UNC13B: variants seen among roughly 807,000 people sequenced by gnomAD.
UNC13B encodes the protein protein unc-13 homolog B.
Under a neutral mutation model 211.0 loss-of-function variants are expected in UNC13B, and 144 were observed. The observed-to-expected ratio is 0.68, with a 90% CI of 0.60 to 0.78. The LOEUF is 0.78. Among genes scored for constraint, UNC13B ranks in the 30% least tolerant of loss-of-function variants. The pLI, the probability that UNC13B is intolerant of heterozygous loss-of-function variation, is 0.00. For synonymous variants in UNC13B, 709 were observed against 725.8 expected (o/e 0.98, Z 0.37); for missense variants, 1,777 against 2,002.0 (o/e 0.89, Z 2.14).
At chr9:35,384,721 G>T (rs907752582) in intron 22 of UNC13B, 39 of 985,318 alleles carry the variant, frequency 4.0e-5, no homozygotes, top group Non-Finnish European at 1.8e-5. Context: ...CTGGCTAGGG[G>T]ACAGAGAGTA....
At chr9:35,327,757 A>G (rs913672160) in intron 11 of UNC13B, among the ~76,000 whole-genome samples, 3 of 152,130 alleles carry the variant, frequency 2.0e-5, no homozygotes, top group Non-Finnish European at 1.5e-5. Flanking sequence ...ATTAACCATT[A>G]CCGTCAATGA....
intron 8 of UNC13B, among the ~76,000 whole-genome samples, chr9:35,297,090 C>G (rs1489934598): frequency 1.6e-5 from 2 of 128,170 alleles, no homozygotes; most frequent in Non-Finnish European, 3.3e-5. Context: ...TTTTAAGAAG[C>G]TTTTTTTTTT....
rs554549775 is a variant in UNC13B, at chr9:35,176,607, G to C, written c.22+14302G>C. Among the ~76,000 whole-genome samples the C allele has an allele frequency of 9.1e-4, 138 of 152,258 alleles. 2 individuals are homozygous for C. Among genetic ancestry groups the C allele is most frequent in the Admixed American group, 7.5e-3 (115 of 15,288 alleles). ...CCCACAACTGTTGTGCTAGGCACTT[G>C]GGGAGGAATGGTGAGGAAAAAACCC... On this transcript the variant is annotated intron_variant, in intron 1 of 39. Transcript: ENST00000635942.
rs746725281 is a variant in UNC13B, at chr9:35,381,735, G to A, written c.10655+16G>A. The A allele has an allele frequency of 2.5e-5, 40 of 1,610,484 alleles. No individual in the cohort carries two copies. The highest frequency in any genetic ancestry group is 1.5e-4 in the Admixed American group (9 of 59,904). On this transcript the variant is annotated intron_variant, in intron 20 of 39. Coordinates refer to ENST00000635942, the MANE Select transcript of UNC13B (RefSeq NM_001371189.2). ...AGGCCATGACGTGAGTCTCTGCTGC[G>A]GCACCGGGAAGTGGCTACTAATCAC...
intron 11 of UNC13B, among the ~76,000 whole-genome samples, chr9:35,325,578 A>G (rs952385637): frequency 6.6e-6 from 1 of 152,230 alleles, no homozygotes; most frequent in Non-Finnish European, 1.5e-5. Flanking sequence ...AAATATTTTT[A>G]AATTCAGATA....
chr9:35,304,563 A>G lies in UNC13B; in HGVS notation c.5159A>G (p.Gln1720Arg), dbSNP rs1829838612. Residue 1720 changes from glutamine (Q) to arginine (R), a missense_variant, in exon 9 of 40, where the codon CAG becomes CGG. Physicochemically the swap from Gln to Arg is conservative, Grantham distance 43. Coordinates refer to ENST00000635942, the MANE Select transcript of UNC13B (RefSeq NM_001371189.2). ...CACCTTTCCAGTTTCCATTGGCTTC[A>G]GTCTTCTGTTGAAGAAGTTACCACT... ...SVHLSSFHWLQSSVEEVTTLV... is the reference protein window; with the variant it reads ...SVHLSSFHWLRSSVEEVTTLV... 1 of 398,748 alleles carries G rather than the reference A, an allele frequency of 2.5e-6. No homozygotes were observed. The highest frequency in any genetic ancestry group is 3.6e-5 in the East Asian group (1 of 28,058). 24.7% of individuals were successfully genotyped at this position (398,748 alleles called of 1,614,324 possible). A position where few individuals can be genotyped will look rare whatever the true frequency, so the allele number is the denominator to read the frequency against.
At chr9:35,264,566 A>G (rs1827462015) in intron 7 of UNC13B, among the ~76,000 whole-genome samples, 1 of 152,224 alleles carries the variant, frequency 6.6e-6, no homozygotes, top group Non-Finnish European at 1.5e-5. Flanking sequence ...CTTAGGTTCT[A>G]GAAGACTGGA....
chr9:35,381,469 C>T (rs1834831555), intron 19 of UNC13B, 87 bp from the exon 20 acceptor site: 5 of 1,451,132 alleles, frequency 3.4e-6, no homozygotes, highest in Admixed American at 2.3e-5. Flanking sequence ...GGACCTTGTG[C>T]ACATTCTTCT....
chr9:35,352,801 T>G, intron 11 of UNC13B: 2 of 1,232,188 alleles, frequency 1.6e-6, no homozygotes, highest in Non-Finnish European at 2.0e-6. Context: ...CCCATCAGTT[T>G]GAGGAACCTG....
chr9:35,194,057 G>A (rs1282467538), intron 1 of UNC13B, among the ~76,000 whole-genome samples: 2 of 151,932 alleles, frequency 1.3e-5, no homozygotes, highest in East Asian at 3.9e-4. Flanking sequence ...AGAGTGACCT[G>A]GAAGTTCCGT....
intron 1 of UNC13B, among the ~76,000 whole-genome samples, chr9:35,204,013 C>G (rs1055947435): frequency 6.6e-6 from 1 of 152,232 alleles, no homozygotes; most frequent in Admixed American, 6.5e-5. Flanking sequence ...TTGGCTAGGC[C>G]CAGGGCCTTG....
At chr9:35,222,673 C>T (rs1162503303) in intron 1 of UNC13B, among the ~76,000 whole-genome samples, 4 of 152,108 alleles carry the variant, frequency 2.6e-5, no homozygotes, top group African/African-American at 7.2e-5. Flanking sequence ...TTTAGGATAT[C>T]CATCACCTAA....
intron 11 of UNC13B, among the ~76,000 whole-genome samples, chr9:35,365,768 A>G (rs1833732300): frequency 6.6e-6 from 1 of 151,972 alleles, no homozygotes; most frequent in African/African-American, 2.4e-5. Flanking sequence ...ATATCATCCT[A>G]CCTATAGAAA....
intron 1 of UNC13B, among the ~76,000 whole-genome samples, chr9:35,225,450 C>T (rs931459989): frequency 5.9e-5 from 9 of 152,134 alleles, no homozygotes; most frequent in Middle Eastern, 3.2e-3. Context: ...CCACCATGCC[C>T]GGCTGAATGT....
intron 1 of UNC13B, among the ~76,000 whole-genome samples, chr9:35,215,087 T>C (rs1188807380): frequency 1.3e-5 from 2 of 152,216 alleles, no homozygotes; most frequent in East Asian, 3.9e-4. Flanking sequence ...GACTATTGAG[T>C]AGAACAGTTG....
intron 1 of UNC13B, among the ~76,000 whole-genome samples, chr9:35,208,818 A>G (rs1564069037): frequency 6.6e-6 from 1 of 152,198 alleles, no homozygotes; most frequent in Non-Finnish European, 1.5e-5. Context: ...GGGTGGGGAC[A>G]CAAATCGAAA....
rs148562570 is a variant in UNC13B, at chr9:35,328,913, G to T, written c.9414+14924G>T. Among the ~76,000 whole-genome samples the T allele has an allele frequency of 7.2e-4, 109 of 151,426 alleles. 1 individual carries two copies. In the South Asian group the frequency reaches 0.018, roughly 25 times the overall value. ...CTCCCGAGTAGCTGGGACTACAGGC[G>T]CCTGCCACCATGCCTGGCTAATTTT... On this transcript the variant is annotated intron_variant, in intron 11 of 39. Transcript: ENST00000635942.
intron 11 of UNC13B, among the ~76,000 whole-genome samples, chr9:35,350,321 C>A (rs1489482130): frequency 6.6e-6 from 1 of 152,178 alleles, no homozygotes; most frequent in Non-Finnish European, 1.5e-5. Flanking sequence ...CACCCTGGAG[C>A]CCTCTGTGAG....
intron 7 of UNC13B, among the ~76,000 whole-genome samples, chr9:35,272,861 A>G (rs1342010954): frequency 1.3e-5 from 2 of 152,142 alleles, no homozygotes; most frequent in African/African-American, 2.4e-5. Context: ...GCCTCCCTTA[A>G]CTACTTACCG....
Sources: allele counts gnomAD v4.1 joint callset (sites outside exome capture counted in the v4.1 genomes callset), GRCh38; gene constraint gnomAD v4.1.1; transcripts MANE v1.5; gene names NCBI Gene and HGNC (gene_info 2026-07-23, HGNC 2026-07-21).